The following SLC35F4 variants were observed in gnomAD, a reference collection of about 807,000 sequenced individuals.
SLC35F4 encodes the protein chromosome 14 open reading frame 36.
Under a neutral mutation model 44.2 loss-of-function variants are expected in SLC35F4, and 24 were observed. The observed-to-expected ratio is 0.54, with a 90% CI of 0.39 to 0.76. The LOEUF (loss-of-function observed/expected upper bound fraction) is 0.76. SLC35F4 is among the 30% of genes least tolerant of loss of function. SLC35F4 has a pLI of 0.00. For synonymous variants in SLC35F4, 238 were observed against 223.6 expected, an observed-to-expected ratio of 1.06 and a Z score of -0.57; for missense variants, 562 against 586.1, an observed-to-expected ratio of 0.96 and a Z score of 0.42.
intron 1 of SLC35F4, among the ~76,000 whole-genome samples, chr14:57,937,667 A>G (rs1889839860): frequency 6.6e-6 from 1 of 151,820 alleles, no homozygotes; most frequent in Non-Finnish European, 1.5e-5. Context: ...GAAAAGAAAA[A>G]GATATCACAA....
intron 1 of SLC35F4, among the ~76,000 whole-genome samples, chr14:57,775,889 G>A (rs908358873): frequency 6.6e-6 from 1 of 152,164 alleles, no homozygotes; most frequent in South Asian, 2.1e-4. Flanking sequence ...CCAATCTAAG[G>A]AAGCTAAGAA....
intron 1 of SLC35F4, among the ~76,000 whole-genome samples, chr14:57,789,193 A>G (rs2077848117): frequency 6.6e-6 from 1 of 152,196 alleles, no homozygotes; most frequent in South Asian, 2.1e-4. Context: ...ACCCTTCAAA[A>G]AATCAATGAA....
At chr14:57,872,597 T>C (rs1888318096) in intron 1 of SLC35F4, among the ~76,000 whole-genome samples, 1 of 152,160 alleles carries the variant, frequency 6.6e-6, no homozygotes, top group East Asian at 1.9e-4. Context: ...TGCTGAGACA[T>C]GAAAATGCAT....
chr14:57,968,105 G>C (rs377719236), intron 1 of SLC35F4, among the ~76,000 whole-genome samples: 1 of 152,272 alleles, frequency 6.6e-6, no homozygotes, highest in African/African-American at 2.4e-5. Context: ...TGTAGAAACT[G>C]TCACCCTGAC....
chr14:57,885,005 A>G (rs1168348293), intron 1 of SLC35F4, among the ~76,000 whole-genome samples: 1 of 152,214 alleles, frequency 6.6e-6, no homozygotes, highest in Non-Finnish European at 1.5e-5. Context: ...ACAGCTGATT[A>G]GATGTGCATA....
At chr14:57,782,911 TA>T (rs1238740215) in intron 1 of SLC35F4, among the ~76,000 whole-genome samples, 2 of 152,118 alleles carry the variant, frequency 1.3e-5, no homozygotes, top group Non-Finnish European at 2.9e-5. Flanking sequence ...AAATGTGGCA[TA>T]AATTGAAGTC....
chr14:57,878,437 C>T (rs1436760510), intron 1 of SLC35F4, among the ~76,000 whole-genome samples: 1 of 152,146 alleles, frequency 6.6e-6, no homozygotes, highest in African/African-American at 2.4e-5. Context: ...TGATTGACTG[C>T]AGACTTTGGT....
chr14:57,908,822 C>A lies in SLC35F4; in HGVS notation n.282+73091G>T, dbSNP rs143435373. On this transcript the variant is annotated intron_variant and non_coding_transcript_variant, in intron 1 of 1. Coordinates refer to the SLC35F4 transcript ENST00000556568. ...ATTTGTCAATTTTGGCTTTTGTTGCCATTGTTTTTGGCGTTTTAGTCATGA... is the reference window on the plus strand; with the variant it reads ...ATTTGTCAATTTTGGCTTTTGTTGCAATTGTTTTTGGCGTTTTAGTCATGA... 0.025 allele frequency among the ~76,000 whole-genome samples: 3,831 copies of A among 152,150 alleles called. 429 individuals carry two copies. The East Asian group carries it at 0.39, about 16-fold the overall frequency.
At chr14:57,887,047 T>C (rs1213007650) in intron 1 of SLC35F4, among the ~76,000 whole-genome samples, 1 of 152,218 alleles carries the variant, frequency 6.6e-6, no homozygotes, top group Non-Finnish European at 1.5e-5. Context: ...AAACCATTGC[T>C]AAAGGTCTGT....
intron 1 of SLC35F4, among the ~76,000 whole-genome samples, chr14:57,856,617 T>A (rs1887126797): frequency 6.6e-6 from 1 of 152,070 alleles, no homozygotes; most frequent in South Asian, 2.1e-4. Flanking sequence ...ACAACGATAT[T>A]TAGTATTAAC....
chr14:57,681,092 G>A (rs1489370215), intron 1 of SLC35F4, among the ~76,000 whole-genome samples: 1 of 152,008 alleles, frequency 6.6e-6, no homozygotes, highest in African/African-American at 2.4e-5. Context: ...GAACAAACCT[G>A]GAAGCCATCA....
chr14:57,616,395 T>G (rs1280388116), intron 1 of SLC35F4, among the ~76,000 whole-genome samples: 2 of 152,250 alleles, frequency 1.3e-5, no homozygotes, highest in Admixed American at 6.5e-5. Context: ...TAAACTGTGA[T>G]GATTAACTGC....
rs1653925606 is a variant in SLC35F4 at position 57,575,091 on chromosome 14, C to G, written c.808-3072G>C. 2.6e-5 allele frequency among the ~76,000 whole-genome samples: 4 copies of G among 152,162 alleles called. No homozygotes were observed. The South Asian group carries it at 8.3e-4, about 32-fold the overall frequency. On this transcript the variant is annotated intron_variant, in intron 4 of 7. Coordinates refer to ENST00000556826, the MANE Select transcript of SLC35F4 (RefSeq NM_001306087.2). ...AATTCTTCTGCTGAAAATACACCATCTAGTGGTGCCACCTGCTCGGCTTCT... is the reference window on the plus strand; with the variant it reads ...AATTCTTCTGCTGAAAATACACCATGTAGTGGTGCCACCTGCTCGGCTTCT...
intron 1 of SLC35F4, among the ~76,000 whole-genome samples, chr14:57,947,443 G>T (rs1428353996): frequency 6.6e-6 from 1 of 151,950 alleles, no homozygotes; most frequent in Non-Finnish European, 1.5e-5. Context: ...GAGTCTTTGG[G>T]GTCTTCTAGG....
At chr14:57,778,143 GCT>G (rs1310196026) in intron 1 of SLC35F4, among the ~76,000 whole-genome samples, 1 of 152,074 alleles carries the variant, frequency 6.6e-6, no homozygotes, top group African/African-American at 2.4e-5. Flanking sequence ...CTCTGCATAA[GCT>G]CTCTCTCTTT....
chr14:57,743,995 C>T (rs1013172608), intron 1 of SLC35F4, among the ~76,000 whole-genome samples: 20 of 152,162 alleles, frequency 1.3e-4, no homozygotes, highest in African/African-American at 3.1e-4. Flanking sequence ...TCTCAATAGA[C>T]GCAGAAAAAG....
chr14:57,814,940 TAGA>T (rs1882393150), intron 1 of SLC35F4, among the ~76,000 whole-genome samples: 1 of 152,176 alleles, frequency 6.6e-6, no homozygotes, highest in African/African-American at 2.4e-5. Context: ...AGTGACAATT[TAGA>T]ACAGGGGTTG....
chr14:57,620,209 T>C (rs1287925349), intron 1 of SLC35F4, among the ~76,000 whole-genome samples: 2 of 152,026 alleles, frequency 1.3e-5, no homozygotes, highest in East Asian at 1.9e-4. Flanking sequence ...AAGATACTCC[T>C]TGAGAAGAGC....
chr14:57,596,958 G>A, intron 1 of SLC35F4: 8 of 1,202,662 alleles, frequency 6.7e-6, no homozygotes, highest in Non-Finnish European at 8.9e-6. Context: ...GCCAGACCTG[G>A]AGACGTATTC....
Sources: gnomAD v4.1 joint callset for allele counts (sites outside exome capture counted in the v4.1 genomes callset) on GRCh38, gnomAD v4.1.1 for gene constraint, MANE v1.5 for transcripts, NCBI Gene and HGNC (gene_info 2026-07-23, HGNC 2026-07-21) for gene names.